COL4A6: variants seen among roughly 807,000 people sequenced by gnomAD.
The protein encoded by COL4A6 is collagen alpha-6(IV) chain.
In COL4A6, 59 loss-of-function variants were observed where a neutral mutation model predicts 126.7. The observed-to-expected ratio is 0.47, with a 90% CI of 0.38 to 0.58. The LOEUF (loss-of-function observed/expected upper bound fraction) is 0.58. Among genes scored for constraint, COL4A6 ranks in the 20% least tolerant of loss-of-function variants. The pLI is 0.00. For synonymous variants in COL4A6, 547 were observed against 496.6 expected, an observed-to-expected ratio of 1.10 and a Z score of -1.35; for missense variants, 1,285 against 1,337.3, an observed-to-expected ratio of 0.96 and a Z score of 0.61.
At chrX:108,248,206 T>C (rs915180352) in intron 3 of COL4A6, among the ~76,000 whole-genome samples, 7 of 111,971 alleles carry the variant, frequency 6.3e-5, no homozygotes, top group Non-Finnish European at 1.3e-4. Context: ...TATAATGTAC[T>C]AATATATTAG....
At chrX:108,276,680 A>G (rs1393603393) in intron 3 of COL4A6, among the ~76,000 whole-genome samples, 2 of 111,598 alleles carry the variant, frequency 1.8e-5, no homozygotes, top group Non-Finnish European at 3.8e-5. Flanking sequence ...AGACCTGAGC[A>G]CCTGGCTCAG....
intron 29 of COL4A6, 128 bp downstream of exon 29, chrX:108,175,526 T>G: frequency 2.5e-6 from 2 of 811,625 alleles, no homozygotes; most frequent in African/African-American, 4.1e-5. Context: ...AGGACTTAAT[T>G]CAGAAGCCCA....
At chrX:108,255,185 CAAAAAAAAAAAA>C (rs34052577) in intron 3 of COL4A6, among the ~76,000 whole-genome samples, 4 of 31,556 alleles carry the variant, frequency 1.3e-4, no homozygotes, top group African/African-American at 5.5e-4. Context: ...CCACAGGGGG[CAAAAAAAAAAAA>C]AAAAAAAAAA....
intron 13 of COL4A6, among the ~76,000 whole-genome samples, chrX:108,198,856 T>C (rs919955259): frequency 1.8e-4 from 20 of 111,261 alleles, no homozygotes; most frequent in African/African-American, 6.5e-4. Flanking sequence ...ACTCAATAGT[T>C]ACCTCAGGAT....
In COL4A6 at chrX:108,190,432, T is replaced by C; in HGVS notation, c.1386A>G (p.Glu462=). The C allele has an allele frequency of 8.3e-7, 1 of 1,208,200 alleles. No individual in the cohort carries two copies. Residue 462 remains glutamate (E), a synonymous_variant, in exon 20 of 45, where the codon GAA becomes GAG. Transcript: ENST00000334504. The stretch of plus-strand genomic sequence containing the variant: ...GGCCTAGGTTTCCTTTTGGACCTTG[T>C]TCTCCTCGGAGACCAGGGAACCCTG... ...KESGFPGLRG[E]QGPKGNLGLK...
At chrX:108,277,482 C>T (rs2147786819) in intron 3 of COL4A6, among the ~76,000 whole-genome samples, 1 of 112,619 alleles carries the variant, frequency 8.9e-6, no homozygotes, top group African/African-American at 3.2e-5. Context: ...AACAAAGCAG[C>T]CCTGAAGCTC....
At chrX:108,403,233 GCT>G (rs59212608) in intron 2 of COL4A6, among the ~76,000 whole-genome samples, 667 of 62,248 alleles carry the variant, frequency 0.011, 6 homozygotes, top group African/African-American at 0.024. Context: ...GCAAAGATTA[GCT>G]CTCTCTCTCT....
At chrX:108,268,777 G>A (rs1345125147) in intron 3 of COL4A6, 4 of 151,395 alleles carry the variant, frequency 2.6e-5, no homozygotes, top group Non-Finnish European at 5.1e-5. Flanking sequence ...AGGGCCAAAC[G>A]CAGACATTGT....
intron 3 of COL4A6, among the ~76,000 whole-genome samples, chrX:108,301,764 T>G (rs2038496825): frequency 9.0e-6 from 1 of 111,036 alleles, no homozygotes; most frequent in Non-Finnish European, 1.9e-5. Flanking sequence ...CAGGAAAGCC[T>G]TTTGTAACCT....
chrX:108,209,878 A>G (rs2035650950), intron 8 of COL4A6, 91 bp downstream of exon 8: 2 of 990,450 alleles, frequency 2.0e-6, no homozygotes, highest in East Asian at 3.1e-5. Flanking sequence ...GAGGTCTACA[A>G]AGACCTTAGA....
chrX:108,361,820 T>C (rs771278892), intron 2 of COL4A6, among the ~76,000 whole-genome samples: 1 of 111,827 alleles, frequency 8.9e-6, no homozygotes, highest in Non-Finnish European at 1.9e-5. Context: ...TTGTTGTATA[T>C]CTTGAAACTA....
chrX:108,281,778 G>A (rs1171931626), intron 3 of COL4A6, among the ~76,000 whole-genome samples: 2 of 109,861 alleles, frequency 1.8e-5, no homozygotes, highest in Non-Finnish European at 3.8e-5. Flanking sequence ...AAACAGCATG[G>A]CACTGGTACC....
intron 3 of COL4A6, among the ~76,000 whole-genome samples, chrX:108,281,469 C>G (rs1228325278): frequency 3.9e-5 from 4 of 101,829 alleles, no homozygotes; most frequent in Admixed American, 3.2e-4. Context: ...AGGAGAACTA[C>G]AAACCACTGC....
At chrX:108,209,438 G>A (rs1343046661) in intron 8 of COL4A6, among the ~76,000 whole-genome samples, 1 of 111,419 alleles carries the variant, frequency 9.0e-6, no homozygotes, top group African/African-American at 3.3e-5. Context: ...ACAGGAAAGG[G>A]AAAGAAAGAA....
intron 38 of COL4A6, 42 bp from the exon 39 acceptor site, chrX:108,165,080 G>A (rs1243416899): frequency 1.7e-6 from 2 of 1,144,073 alleles, no homozygotes; most frequent in Non-Finnish European, 2.4e-6. Flanking sequence ...CAGGTGAACA[G>A]GTAGTAGCCA....
intron 3 of COL4A6, among the ~76,000 whole-genome samples, chrX:108,298,113 C>T (rs1471061380): frequency 8.9e-6 from 1 of 112,251 alleles, no homozygotes; most frequent in African/African-American, 3.2e-5. Context: ...GATTGCCCTT[C>T]TGGCTCTGCC....
intron 3 of COL4A6, among the ~76,000 whole-genome samples, chrX:108,303,922 A>T (rs1004047726): frequency 1.8e-5 from 2 of 111,720 alleles, no homozygotes; most frequent in Non-Finnish European, 3.8e-5. Flanking sequence ...CAATACTAGA[A>T]AGCACGATAA....
intron 2 of COL4A6, among the ~76,000 whole-genome samples, chrX:108,366,783 T>A (rs1311651122): frequency 8.9e-6 from 1 of 112,026 alleles, no homozygotes; most frequent in South Asian, 3.8e-4. Context: ...CACTCTGATA[T>A]TGCCTATTGT....
At chrX:108,388,965 G>A (rs747949420) in intron 2 of COL4A6, among the ~76,000 whole-genome samples, 51 of 111,433 alleles carry the variant, frequency 4.6e-4, no homozygotes, top group Non-Finnish European at 6.4e-4. Flanking sequence ...CCTTCATTTC[G>A]TTGTTTACCC....
Sources: allele counts gnomAD v4.1 joint callset (sites outside exome capture counted in the v4.1 genomes callset), GRCh38; gene constraint gnomAD v4.1.1; transcripts MANE v1.5; gene names NCBI Gene and HGNC (gene_info 2026-07-23, HGNC 2026-07-21).